The following EPHA6 variants were observed in gnomAD, a reference collection of about 807,000 sequenced individuals.
EPHA6 encodes EPH receptor A6.
In EPHA6, 50 loss-of-function variants were observed where a neutral mutation model predicts 112.0. The observed-to-expected ratio is 0.45, with a 90% CI of 0.36 to 0.56. The LOEUF is 0.56. EPHA6 is among the 20% of genes least tolerant of loss of function. The pLI, the probability that EPHA6 is intolerant of heterozygous loss-of-function variation, is 0.00. For synonymous variants in EPHA6, 529 were observed against 490.7 expected (o/e 1.08, Z -1.03); for missense variants, 1,280 against 1,417.4 (o/e 0.90, Z 1.56).
At chr3:97,459,552 T>A (rs1036935342) in intron 7 of EPHA6, among the ~76,000 whole-genome samples, 1 of 152,142 alleles carries the variant, frequency 6.6e-6, no homozygotes, top group African/African-American at 2.4e-5. Flanking sequence ...AGGCTCAAAT[T>A]TCCTAGGTTT....
intron 4 of EPHA6, among the ~76,000 whole-genome samples, chr3:97,238,012 G>A (rs912579239): frequency 6.6e-6 from 1 of 151,838 alleles, no homozygotes; most frequent in African/African-American, 2.4e-5. Flanking sequence ...GTTATTCTAT[G>A]GACTAATATT....
chr3:97,296,982 A>G (rs574866822), intron 5 of EPHA6, among the ~76,000 whole-genome samples: 50 of 152,268 alleles, frequency 3.3e-4, no homozygotes, highest in Non-Finnish European at 3.2e-4. Context: ...CAGTCTGGTG[A>G]GGGCTGGATT....
intron 6 of EPHA6, 24 bp downstream of exon 6, chr3:97,405,298 A>T (rs1040901868): frequency 6.3e-7 from 1 of 1,584,978 alleles, no homozygotes; most frequent in South Asian, 1.1e-5. Context: ...GGAGCTTCCT[A>T]TAAAACTACA....
At chr3:97,578,886 TA>T (rs2093412242) in intron 11 of EPHA6, among the ~76,000 whole-genome samples, 1 of 152,204 alleles carries the variant, frequency 6.6e-6, no homozygotes, top group Admixed American at 6.5e-5. Context: ...GGTCAGTCAA[TA>T]CTTTTAAATA....
chr3:97,063,630 A>G (rs1005525591), intron 3 of EPHA6, among the ~76,000 whole-genome samples: 3 of 152,290 alleles, frequency 2.0e-5, no homozygotes, highest in African/African-American at 7.2e-5. Context: ...TTGATAGTGC[A>G]GCAAATCACC....
chr3:96,897,352 G>A (rs901128746), intron 2 of EPHA6, among the ~76,000 whole-genome samples: 7 of 152,032 alleles, frequency 4.6e-5, no homozygotes, highest in Non-Finnish European at 7.4e-5. Context: ...TTATTTGCAA[G>A]CAAATCTTGG....
At chr3:97,006,625 A>T (rs181015710) in intron 3 of EPHA6, among the ~76,000 whole-genome samples, 3 of 151,234 alleles carry the variant, frequency 2.0e-5, no homozygotes, top group Admixed American at 2.0e-4. Flanking sequence ...CTCTGGTCTT[A>T]GTTATTTCTT....
chr3:97,335,226 G>A (rs1006815552), intron 5 of EPHA6, among the ~76,000 whole-genome samples: 22 of 152,088 alleles, frequency 1.4e-4, no homozygotes, highest in African/African-American at 2.9e-4. Flanking sequence ...CACAAAGAGC[G>A]TGCTTTCTCT....
chr3:97,401,786 TA>T (rs918070839), intron 5 of EPHA6, among the ~76,000 whole-genome samples: 3 of 151,862 alleles, frequency 2.0e-5, no homozygotes, highest in African/African-American at 7.2e-5. Context: ...TTCTACTTTT[TA>T]AATATAGGAA....
chr3:97,334,521 C>T (rs1453526308), intron 5 of EPHA6, among the ~76,000 whole-genome samples: 1 of 148,500 alleles, frequency 6.7e-6, no homozygotes, highest in East Asian at 2.0e-4. Context: ...TCTCTGTCCC[C>T]CAGGCTGGGG....
At chr3:97,492,221 C>G (rs1031279655) in intron 10 of EPHA6, among the ~76,000 whole-genome samples, 3 of 151,794 alleles carry the variant, frequency 2.0e-5, no homozygotes, top group African/African-American at 7.3e-5. Context: ...GTTAATCAGC[C>G]TTGGGTTAGG....
intron 5 of EPHA6, among the ~76,000 whole-genome samples, chr3:97,281,197 GTC>G (rs1237080712): frequency 4.9e-5 from 4 of 82,334 alleles, no homozygotes; most frequent in Admixed American, 3.3e-4. Flanking sequence ...AATTCAAAGA[GTC>G]TATGTGTGTG....
chr3:96,859,422 C>T (rs1372772937), intron 1 of EPHA6, among the ~76,000 whole-genome samples: 1 of 148,700 alleles, frequency 6.7e-6, no homozygotes, highest in South Asian at 2.1e-4. Context: ...TGTTCTGTCA[C>T]TCAGACTGGA....
chr3:97,226,216 G>T (rs2078351157), intron 3 of EPHA6, 48 bp from the exon 4 acceptor site: 10 of 1,497,914 alleles, frequency 6.7e-6, no homozygotes, highest in Non-Finnish European at 9.1e-6. Flanking sequence ...ACAAATAAAA[G>T]AATCCTAGCA....
chr3:96,870,383 A>T (rs943413774), intron 2 of EPHA6, among the ~76,000 whole-genome samples: 1 of 152,060 alleles, frequency 6.6e-6, no homozygotes, highest in Non-Finnish European at 1.5e-5. Flanking sequence ...GCTTAAGAAG[A>T]AGGAGCAAAT....
At chr3:97,273,777 G>A (rs4857252) in intron 5 of EPHA6, among the ~76,000 whole-genome samples, 29,741 of 152,066 alleles carry the variant, frequency 0.2, 7,162 homozygotes, top group African/African-American at 0.55. Context: ...GAGGTGGGAA[G>A]GCCAAACCAA....
At chr3:97,297,696 A>G (rs1046318159) in intron 5 of EPHA6, among the ~76,000 whole-genome samples, 18 of 152,230 alleles carry the variant, frequency 1.2e-4, no homozygotes, top group African/African-American at 3.6e-4. Context: ...TGGGAATGAT[A>G]TGTTGAAGAA....
rs376777932 is a variant in EPHA6 at position 97,747,612 on chromosome 3, G to A, written c.3278+40G>A. On this transcript the variant is annotated intron_variant, in intron 17 of 17. Transcript: ENST00000389672. ...GTTTATTACTGTAACGAGATGTCCTGCTGGGGATTATAAGTTCAAATGCTG... is the reference window on the plus strand; with the variant it reads ...GTTTATTACTGTAACGAGATGTCCTACTGGGGATTATAAGTTCAAATGCTG... The A allele has an allele frequency of 5.3e-6, 8 of 1,520,516 alleles. No individual in the cohort carries two copies. The African/African-American group carries it at 7.0e-5, about 13-fold the overall frequency. 94.2% of individuals were successfully genotyped at this position (1,520,516 alleles called of 1,614,324 possible).
At chr3:97,408,746 G>A (rs2087524320) in intron 6 of EPHA6, among the ~76,000 whole-genome samples, 1 of 151,746 alleles carries the variant, frequency 6.6e-6, no homozygotes, top group Non-Finnish European at 1.5e-5. Flanking sequence ...CATTCATGAG[G>A]GCTCCACCCC....
Sources: allele counts gnomAD v4.1 joint callset (sites outside exome capture counted in the v4.1 genomes callset), GRCh38; gene constraint gnomAD v4.1.1; transcripts MANE v1.5; gene names NCBI Gene and HGNC (gene_info 2026-07-23, HGNC 2026-07-21).